Variants in PAK5 observed in about 807,000 individuals in gnomAD.
The protein encoded by PAK5 is p21 (RAC1) activated kinase 5.
In PAK5, 16 loss-of-function variants were observed where a neutral mutation model predicts 65.9. That is an observed-to-expected ratio of 0.24 (90% CI 0.16 to 0.37). The LOEUF (loss-of-function observed/expected upper bound fraction) is 0.37. Among genes scored for constraint, PAK5 ranks in the 10% least tolerant of loss-of-function variants. The pLI, the probability that PAK5 is intolerant of heterozygous loss-of-function variation, is 1.00. For missense variants in PAK5, 785 were observed against 903.9 expected (o/e 0.87, Z 1.69); for synonymous variants, 371 against 354.9 (o/e 1.05, Z -0.51).
At chr20:9,782,090 C>T (rs1474776581) in intron 1 of PAK5, among the ~76,000 whole-genome samples, 3 of 152,160 alleles carry the variant, frequency 2.0e-5, no homozygotes, top group Non-Finnish European at 4.4e-5. Flanking sequence ...GACATTGTCT[C>T]TATTACCTCC....
intron 1 of PAK5, among the ~76,000 whole-genome samples, chr20:9,834,795 A>G (rs572806910): frequency 3.3e-4 from 51 of 152,260 alleles, no homozygotes; most frequent in South Asian, 6.2e-4. Flanking sequence ...TTATTTATTT[A>G]TTATTATACA....
rs2045198165 is a variant in PAK5, at chr20:9,538,007, G to T, written c.*1455C>A. 4.3e-6 allele frequency: 1 copy of T among 232,304 alleles called. No homozygotes were observed. The highest frequency in any genetic ancestry group is 2.2e-5 in the African/African-American group (1 of 45,276). The allele number at this position is 232,304 out of a possible 1,614,324, so 14.4% of individuals were successfully genotyped here. On this transcript the variant is annotated 3_prime_UTR_variant, in exon 10 of 10. Transcript: ENST00000353224. The stretch of plus-strand genomic sequence containing the variant: ...ACAGTATGTGAAATAGTTAAGAAAA[G>T]CCTCTGTTTTCCCAGTTTGGTAACA...
intron 1 of PAK5, among the ~76,000 whole-genome samples, chr20:9,722,589 G>C (rs1351709958): frequency 6.6e-6 from 1 of 151,928 alleles, no homozygotes. Context: ...TCCAGCCTGG[G>C]GGGACAGAGC....
chr20:9,580,039 A>G (rs755747913), intron 4 of PAK5, 106 bp downstream of exon 4: 25 of 999,536 alleles, frequency 2.5e-5, no homozygotes, highest in Non-Finnish European at 3.4e-5. Context: ...TTTTCCCTTA[A>G]AAGGCAAACA....
chr20:9,822,241 A>T (rs2049430050), intron 1 of PAK5, among the ~76,000 whole-genome samples: 1 of 149,822 alleles, frequency 6.7e-6, no homozygotes, highest in Non-Finnish European at 1.5e-5. Flanking sequence ...GTGAGCTGAG[A>T]TCCTGCCACT....
intron 1 of PAK5, among the ~76,000 whole-genome samples, chr20:9,793,586 C>G (rs1219887166): frequency 6.6e-6 from 1 of 152,040 alleles, no homozygotes; most frequent in Non-Finnish European, 1.5e-5. Flanking sequence ...AAAAACTCAT[C>G]ATCACTGATC....
At chr20:9,697,964 C>T (rs1260808753) in intron 2 of PAK5, among the ~76,000 whole-genome samples, 3 of 152,010 alleles carry the variant, frequency 2.0e-5, no homozygotes, top group East Asian at 1.9e-4. Flanking sequence ...TTGACATGGG[C>T]TAATTGACAT....
chr20:9,790,424 C>T (rs901131367), intron 1 of PAK5, among the ~76,000 whole-genome samples: 10 of 151,876 alleles, frequency 6.6e-5, no homozygotes, highest in Admixed American at 3.3e-4. Flanking sequence ...CAGGGGAATG[C>T]GAGGATAGAA....
At chr20:9,571,678 G>A (rs1231781087) in intron 4 of PAK5, among the ~76,000 whole-genome samples, 6 of 152,158 alleles carry the variant, frequency 3.9e-5, no homozygotes, top group East Asian at 3.8e-4. Context: ...ATTCTTGCAC[G>A]TAAACCTCAA....
chr20:9,768,023 T>C (rs1014192255), intron 1 of PAK5, among the ~76,000 whole-genome samples: 4 of 152,176 alleles, frequency 2.6e-5, no homozygotes, highest in Non-Finnish European at 4.4e-5. Flanking sequence ...TAGGGAAGCA[T>C]AGTCCTTGAT....
At chr20:9,718,496 C>T (rs1388240642) in intron 1 of PAK5, among the ~76,000 whole-genome samples, 1 of 151,834 alleles carries the variant, frequency 6.6e-6, no homozygotes, top group Admixed American at 6.6e-5. Context: ...AGCATTTTGT[C>T]CTCCCTTTAT....
intron 1 of PAK5, among the ~76,000 whole-genome samples, chr20:9,817,271 T>A (rs568719030): frequency 2.0e-4 from 31 of 152,310 alleles, no homozygotes; most frequent in South Asian, 4.1e-4. Flanking sequence ...ATAATTTTTT[T>A]AAAAATCTAT....
At chr20:9,792,666 A>G (rs2049062105) in intron 1 of PAK5, among the ~76,000 whole-genome samples, 1 of 152,170 alleles carries the variant, frequency 6.6e-6, no homozygotes, top group African/African-American at 2.4e-5. Flanking sequence ...AGCTCAAAGA[A>G]AAATATTTGA....
chr20:9,622,902 C>G (rs1313441323), intron 3 of PAK5, among the ~76,000 whole-genome samples: 1 of 152,204 alleles, frequency 6.6e-6, no homozygotes, highest in East Asian at 1.9e-4. Flanking sequence ...CTGTATCTCT[C>G]TCTCTGTTTC....
intron 3 of PAK5, among the ~76,000 whole-genome samples, chr20:9,638,878 A>AG (rs2047014978): frequency 6.6e-6 from 1 of 152,178 alleles, no homozygotes; most frequent in African/African-American, 2.4e-5. Context: ...GTACTGAAGA[A>AG]CTGGCATTTT....
At chr20:9,800,722 A>T (rs1461889947) in intron 1 of PAK5, among the ~76,000 whole-genome samples, 12 of 152,110 alleles carry the variant, frequency 7.9e-5, no homozygotes, top group Non-Finnish European at 2.9e-5. Context: ...CCAAGAAGTA[A>T]ATCAAAGTTG....
chr20:9,628,874 C>T (rs146820695), intron 3 of PAK5, among the ~76,000 whole-genome samples: 33 of 152,274 alleles, frequency 2.2e-4, no homozygotes, highest in Non-Finnish European at 4.4e-4. Flanking sequence ...GGGAGCAACG[C>T]ACAACCAAGA....
intron 7 of PAK5, among the ~76,000 whole-genome samples, chr20:9,553,739 T>A (rs2045465982): frequency 6.6e-6 from 1 of 152,198 alleles, no homozygotes; most frequent in Admixed American, 6.5e-5. Flanking sequence ...ACTATTTGTT[T>A]AATCATTCGC....
chr20:9,755,715 G>C (rs742452), intron 1 of PAK5, among the ~76,000 whole-genome samples: 26,761 of 152,164 alleles, frequency 0.18, 2,681 homozygotes, highest in East Asian at 0.28. Flanking sequence ...TCCTGTAAAT[G>C]AGTTCAAAGC....
Sources: gnomAD v4.1 joint callset for allele counts (sites outside exome capture counted in the v4.1 genomes callset) on GRCh38, gnomAD v4.1.1 for gene constraint, MANE v1.5 for transcripts, NCBI Gene and HGNC (gene_info 2026-07-23, HGNC 2026-07-21) for gene names.